Variants in GRID2 observed in about 807,000 individuals in gnomAD.
GRID2 encodes the protein glutamate receptor ionotropic, delta-2.
GRID2 carries 33 observed loss-of-function variants against 114.8 expected under a neutral mutation model. The ratio of observed to expected loss-of-function variants is 0.29; its 90% confidence interval spans 0.22 to 0.38. GRID2 has a LOEUF of 0.38. GRID2 is among the 10% of genes least tolerant of loss of function. The pLI is 1.00. For missense variants in GRID2, 1,184 were observed against 1,257.7 expected (o/e 0.94, Z 0.89); for synonymous variants, 505 against 449.9 (o/e 1.12, Z -1.55).
At chr4:92,939,316 C>A (rs907531508) in intron 2 of GRID2, among the ~76,000 whole-genome samples, 1 of 147,388 alleles carries the variant, frequency 6.8e-6, no homozygotes, top group Non-Finnish European at 1.5e-5. Flanking sequence ...TGATGGCCAG[C>A]GATGATGAAC....
At chr4:93,691,213 T>G (rs901369409) in intron 14 of GRID2, among the ~76,000 whole-genome samples, 1 of 151,966 alleles carries the variant, frequency 6.6e-6, no homozygotes, top group Non-Finnish European at 1.5e-5. Context: ...AACTTAATGA[T>G]GATCTTTGGA....
chr4:92,345,107 G>A (rs533616550), intron 1 of GRID2, among the ~76,000 whole-genome samples: 1 of 152,106 alleles, frequency 6.6e-6, no homozygotes, highest in Non-Finnish European at 1.5e-5. Context: ...TTATAGCTTA[G>A]CTCCCTCTTA....
intron 8 of GRID2, among the ~76,000 whole-genome samples, chr4:93,368,237 A>C (rs1173730266): frequency 6.6e-6 from 1 of 152,108 alleles, no homozygotes; most frequent in Non-Finnish European, 1.5e-5. Context: ...TATAATTATT[A>C]TTTACCAGAA....
chr4:92,903,490 G>C (rs1032891377), intron 2 of GRID2, among the ~76,000 whole-genome samples: 4 of 151,798 alleles, frequency 2.6e-5, no homozygotes, highest in Non-Finnish European at 1.5e-5. Context: ...TTTTTAATGA[G>C]TTACCTGCAT....
chr4:92,725,122 GA>G (rs763290976), intron 2 of GRID2, among the ~76,000 whole-genome samples: 1 of 152,050 alleles, frequency 6.6e-6, no homozygotes, highest in Non-Finnish European at 1.5e-5. Flanking sequence ...GCAACATGGC[GA>G]AACCCCGTCT....
intron 1 of GRID2, among the ~76,000 whole-genome samples, chr4:92,414,408 G>C (rs1731490180): frequency 6.6e-6 from 1 of 152,214 alleles, no homozygotes; most frequent in African/African-American, 2.4e-5. Context: ...GAGAATACAT[G>C]GTGATATTAA....
chr4:93,195,203 A>G (rs1251343036), intron 4 of GRID2, among the ~76,000 whole-genome samples: 1 of 152,188 alleles, frequency 6.6e-6, no homozygotes, highest in Non-Finnish European at 1.5e-5. Context: ...TTACTGGTAC[A>G]GATACTGAGA....
chr4:93,430,049 T>C (rs182712093), intron 10 of GRID2, among the ~76,000 whole-genome samples: 43 of 152,312 alleles, frequency 2.8e-4, no homozygotes, highest in Admixed American at 6.5e-4. Flanking sequence ...TTTTTATGGT[T>C]GACACAAAGT....
chr4:92,527,180 A>G (rs1725084291), intron 1 of GRID2, among the ~76,000 whole-genome samples: 1 of 152,122 alleles, frequency 6.6e-6, no homozygotes, highest in Admixed American at 6.5e-5. Flanking sequence ...TCCTAATGGA[A>G]TCTCCATGCA....
intron 2 of GRID2, among the ~76,000 whole-genome samples, chr4:92,638,277 C>A (rs1731172022): frequency 6.6e-6 from 1 of 151,568 alleles, no homozygotes; most frequent in East Asian, 1.9e-4. Flanking sequence ...TGTAGAAGAG[C>A]CAGAGAACAA....
At chr4:93,742,709 T>A (rs749369153) in intron 14 of GRID2, among the ~76,000 whole-genome samples, 26 of 152,148 alleles carry the variant, frequency 1.7e-4, no homozygotes, top group Non-Finnish European at 2.2e-4. Flanking sequence ...CCAGAGAAGA[T>A]GGCAACCTCA....
intron 2 of GRID2, among the ~76,000 whole-genome samples, chr4:92,801,617 C>T (rs946040780): frequency 6.6e-6 from 1 of 151,868 alleles, no homozygotes; most frequent in Middle Eastern, 3.4e-3. Flanking sequence ...ATAACTTGGT[C>T]ATCTTTACAT....
chr4:92,504,784 C>T (rs1723869032), intron 1 of GRID2, among the ~76,000 whole-genome samples: 1 of 151,856 alleles, frequency 6.6e-6, no homozygotes, highest in Non-Finnish European at 1.5e-5. Flanking sequence ...CGTACCTTTT[C>T]TATCTTGCTT....
intron 9 of GRID2, among the ~76,000 whole-genome samples, chr4:93,399,578 C>T (rs1765679742): frequency 6.6e-6 from 1 of 152,028 alleles, no homozygotes; most frequent in South Asian, 2.1e-4. Context: ...TACATGAAGA[C>T]TGATAAGGCA....
At position 93,590,001 on chromosome 4, in the gene GRID2, G is replaced by C. The variant is rs1267372803; in HGVS notation, c.2194-36268G>C. ...GTGAAAATTTTCTCCCATTTTGTAGGTTGCCTGTTCACTCTGATGGTAGTT... is the reference window on the plus strand; with the variant it reads ...GTGAAAATTTTCTCCCATTTTGTAGCTTGCCTGTTCACTCTGATGGTAGTT... On this transcript the variant is annotated intron_variant, in intron 13 of 15. Coordinates refer to ENST00000282020, the MANE Select transcript of GRID2 (RefSeq NM_001510.4). Among the ~76,000 whole-genome samples, 563 of 150,654 alleles carry C rather than the reference G, an allele frequency of 3.7e-3. 2 individuals are homozygous for C. The highest frequency in any genetic ancestry group is 0.013 in the African/African-American group (539 of 41,122).
chr4:92,482,360 A>G (rs1722657626), intron 1 of GRID2, among the ~76,000 whole-genome samples: 1 of 151,934 alleles, frequency 6.6e-6, no homozygotes, highest in African/African-American at 2.4e-5. Flanking sequence ...TGGGTTGAAA[A>G]ACTACTTATT....
intron 1 of GRID2, among the ~76,000 whole-genome samples, chr4:92,509,071 AAAAC>A (rs534348349): frequency 9.9e-5 from 15 of 152,082 alleles, no homozygotes; most frequent in South Asian, 4.1e-4. Context: ...TGTCTGTTAA[AAAAC>A]AAACAAACAA....
chr4:92,305,697 G>GTT (rs1472552612), intron 1 of GRID2, among the ~76,000 whole-genome samples: 10 of 152,168 alleles, frequency 6.6e-5, no homozygotes, highest in Non-Finnish European at 1.3e-4. Context: ...CGGCGAGCAG[G>GTT]GGCGGGCGGG....
At chr4:92,886,580 CTAT>C (rs999853948) in intron 2 of GRID2, among the ~76,000 whole-genome samples, 13 of 151,790 alleles carry the variant, frequency 8.6e-5, no homozygotes, top group Non-Finnish European at 1.5e-4. Flanking sequence ...TCTTACCTTG[CTAT>C]TATTATTATT....
Sources: allele counts gnomAD v4.1 joint callset (sites outside exome capture counted in the v4.1 genomes callset), GRCh38; gene constraint gnomAD v4.1.1; transcripts MANE v1.5; gene names NCBI Gene and HGNC (gene_info 2026-07-23, HGNC 2026-07-21).